The following NPC2 variants were observed in gnomAD, a reference collection of about 807,000 sequenced individuals.
NPC2 encodes the protein NPC intracellular cholesterol transporter 2.
A neutral mutation model predicts 17.0 loss-of-function variants in NPC2; 14 were observed. The ratio of observed to expected loss-of-function variants is 0.82; its 90% CI spans 0.54 to 1.29. NPC2 has a LOEUF of 1.29. Among genes scored for constraint, NPC2 ranks in the 50% most tolerant of loss-of-function variants. The pLI, the probability that NPC2 is intolerant of heterozygous loss-of-function variation, is 0.00. For synonymous variants in NPC2, 75 were observed against 69.3 expected, an observed-to-expected ratio of 1.08 and a Z score of -0.41; for missense variants, 167 against 183.4, an observed-to-expected ratio of 0.91 and a Z score of 0.52.
chr14:74,480,555 A>G, intron 4 of NPC2, 147 bp downstream of exon 4: 1 of 813,818 alleles, frequency 1.2e-6, no homozygotes, highest in Non-Finnish European at 2.2e-6. Context: ...CTCAGGAAAT[A>G]GGGTCTCAGA....
At chr14:74,483,210 A>G (rs1476012217) in intron 3 of NPC2, 2 of 866,074 alleles carry the variant, frequency 2.3e-6, no homozygotes, top group Non-Finnish European at 3.9e-6. Context: ...TTGCACTAGT[A>G]TATTCAGTCC....
At chr14:74,485,308 A>G (rs2086700360) in intron 2 of NPC2, among the ~76,000 whole-genome samples, 1 of 145,996 alleles carries the variant, frequency 6.8e-6, no homozygotes, top group Non-Finnish European at 1.5e-5. Flanking sequence ...AAAAAAAAAA[A>G]AAAAAAAAAA....
At position 74,485,151 on chromosome 14, in the gene NPC2, C is replaced by T. The variant is rs557654117; in HGVS notation, c.191-564G>A. Among the ~76,000 whole-genome samples, 9 of 151,894 alleles carry T rather than the reference C, an allele frequency of 5.9e-5. No homozygotes were observed. In the East Asian group the frequency reaches 1.2e-3, roughly 20 times the overall value. ...CTCTACTAAAACTACAAAAATTAGCCGGGCGTGGTGGCGCATGCCTGTCAT... is the reference window on the plus strand; with the variant it reads ...CTCTACTAAAACTACAAAAATTAGCTGGGCGTGGTGGCGCATGCCTGTCAT... On this transcript the variant is annotated intron_variant, in intron 2 of 4. Transcript: ENST00000555619.
At chr14:74,481,762 C>G (rs189289895) in intron 3 of NPC2, among the ~76,000 whole-genome samples, 83 of 152,360 alleles carry the variant, frequency 5.4e-4, no homozygotes, top group African/African-American at 2.0e-3. Context: ...TGTACTTCAT[C>G]AGAAATCCCT....
chr14:74,487,157 G>A (rs2086721039), intron 1 of NPC2, among the ~76,000 whole-genome samples: 1 of 151,870 alleles, frequency 6.6e-6, no homozygotes. Context: ...CACTATGTTG[G>A]CCAGGATGGT....
chr14:74,482,213 C>T (rs2086662725), intron 3 of NPC2, among the ~76,000 whole-genome samples: 1 of 152,230 alleles, frequency 6.6e-6, no homozygotes. Context: ...AGCCCTTAAG[C>T]ACAGACATCC....
intron 3 of NPC2, chr14:74,483,447 T>C (rs959496596): frequency 1.3e-6 from 2 of 1,539,042 alleles, no homozygotes; most frequent in Non-Finnish European, 1.8e-6. Flanking sequence ...GTCAGACAGA[T>C]AAATAGAAAA....
chr14:74,480,548 AG>A, intron 4 of NPC2, 153 bp downstream of exon 4: 1 of 813,658 alleles, frequency 1.2e-6, no homozygotes, highest in Non-Finnish European at 2.2e-6. Context: ...CTGAGCTCTC[AG>A]GAAATAGGGT....
chr14:74,488,609 G>A (rs1276542918), intron 1 of NPC2, among the ~76,000 whole-genome samples: 1 of 152,282 alleles, frequency 6.6e-6, no homozygotes, highest in African/African-American at 2.4e-5. Flanking sequence ...AGCTACTCAG[G>A]AGGCTGAGGC....
At chr14:74,488,809 C>T (rs1181477396) in intron 1 of NPC2, among the ~76,000 whole-genome samples, 2 of 152,164 alleles carry the variant, frequency 1.3e-5, no homozygotes, top group Admixed American at 1.3e-4. Flanking sequence ...CCACTTAACA[C>T]TGAACAGAGG....
At chr14:74,480,522 T>C (rs181336131) in intron 4 of NPC2, 180 bp downstream of exon 4, 4 of 784,764 alleles carry the variant, frequency 5.1e-6, no homozygotes, top group Admixed American at 3.5e-5. Context: ...CAAAGGATAT[T>C]ACAAAGGCAA....
chr14:74,483,916 CTT>C (rs974737019), intron 3 of NPC2, among the ~76,000 whole-genome samples: 1 of 152,106 alleles, frequency 6.6e-6, no homozygotes, highest in Non-Finnish European at 1.5e-5. Context: ...CAGTAGATAA[CTT>C]TTTTGAATCA....
In NPC2 at chr14:74,484,297, T is replaced by TCTG. The variant is rs112636832; in HGVS notation, c.363+117_363+118insCAG. The TCTG allele has an allele frequency of 0.19, 210,004 of 1,095,412 alleles. 21,938 individuals are homozygous for TCTG. Among genetic ancestry groups the TCTG allele is most frequent in the African/African-American group, 0.33 (21,645 of 64,710 alleles). The allele number at this position is 1,095,412 out of a possible 1,614,324, so 67.9% of individuals were successfully genotyped here. A position where few individuals can be genotyped will look rare whatever the true frequency, so the allele number is the denominator to read the frequency against. ...GCACCTATCTCCTTTCCCTCGGGCT[T>TCTG]CTTCTTCATCATAGAGATAAGGGGC... is the stretch of plus-strand genomic sequence containing the variant. On this transcript the variant is annotated intron_variant, in intron 3 of 4. Transcript: ENST00000555619.
intron 3 of NPC2, chr14:74,482,840 G>T: frequency 2.8e-6 from 1 of 361,198 alleles, no homozygotes; most frequent in Non-Finnish European, 5.2e-6. Flanking sequence ...TATAAAAATG[G>T]CATCAGCCGT....
At chr14:74,481,805 G>C (rs1261822310) in intron 3 of NPC2, among the ~76,000 whole-genome samples, 1 of 152,138 alleles carries the variant, frequency 6.6e-6, no homozygotes, top group Non-Finnish European at 1.5e-5. Flanking sequence ...TCACGTGAGT[G>C]GTCCCTTCCA....
At chr14:74,489,421 T>C (rs1351058526) in intron 1 of NPC2, among the ~76,000 whole-genome samples, 1 of 152,178 alleles carries the variant, frequency 6.6e-6, no homozygotes, top group Non-Finnish European at 1.5e-5. Context: ...AGAAAAGAAA[T>C]TGGATTCATC....
chr14:74,484,973 C>T (rs529626186), intron 2 of NPC2, among the ~76,000 whole-genome samples: 11 of 152,008 alleles, frequency 7.2e-5, no homozygotes, highest in African/African-American at 2.7e-4. Context: ...TGGTCTGTAA[C>T]AACAGTGAAA....
intron 1 of NPC2, 129 bp from the exon 2 acceptor site, chr14:74,486,565 C>T: frequency 1.4e-6 from 1 of 737,144 alleles, no homozygotes; most frequent in Non-Finnish European, 2.4e-6. Flanking sequence ...GGACTGTTTC[C>T]CAGGATGGAA....
intron 2 of NPC2, 88 bp downstream of exon 2, chr14:74,486,241 C>CCT: frequency 8.5e-7 from 1 of 1,175,228 alleles, no homozygotes; most frequent in South Asian, 1.3e-5. Context: ...TGCCAATTCC[C>CCT]CTCCCCTCCA....
Sources: gnomAD v4.1 joint callset for allele counts (sites outside exome capture counted in the v4.1 genomes callset) on GRCh38, gnomAD v4.1.1 for gene constraint, MANE v1.5 for transcripts, NCBI Gene and HGNC (gene_info 2026-07-23, HGNC 2026-07-21) for gene names.